Variants in PLA2G4E observed in about 807,000 individuals in gnomAD.
The protein encoded by PLA2G4E is cytosolic phospholipase A2 epsilon.
Under a neutral mutation model 109.1 loss-of-function variants are expected in PLA2G4E, and 84 were observed. The ratio of observed to expected loss-of-function variants is 0.77; its 90% CI spans 0.65 to 0.92. The LOEUF (loss-of-function observed/expected upper bound fraction) is 0.92, where lower values mean the gene tolerates loss of function less well. Among genes scored for constraint, PLA2G4E ranks in the 40% least tolerant of loss-of-function variants. The probability of loss-of-function intolerance (pLI) is 0.00; values close to 1 mark genes in which losing one functional copy is unlikely to be tolerated. For synonymous variants in PLA2G4E, 469 were observed against 436.1 expected, an observed-to-expected ratio of 1.08 and a Z score of -0.94; for missense variants, 1,057 against 1,076.6, an observed-to-expected ratio of 0.98 and a Z score of 0.25.
intron 1 of PLA2G4E, among the ~76,000 whole-genome samples, chr15:42,036,174 C>T (rs11638234): frequency 0.13 from 19,606 of 152,226 alleles, 1,729 homozygotes; most frequent in Admixed American, 0.24. Context: ...GCTGCCATCA[C>T]CGGCCGCAGC....
intron 8 of PLA2G4E, 35 bp downstream of exon 8, chr15:42,000,069 C>A: frequency 6.4e-7 from 1 of 1,574,306 alleles, no homozygotes; most frequent in Non-Finnish European, 8.6e-7. Flanking sequence ...CTGTCCCAGT[C>A]CCCCACACCT....
rs78455377 is a variant in PLA2G4E, at chr15:41,988,947, G to A, written c.1723+468C>T. Among the ~76,000 whole-genome samples the A allele has an allele frequency of 2.4e-3, 370 of 152,290 alleles. 1 individual carries two copies. Among genetic ancestry groups the A allele is most frequent in the African/African-American group, 7.3e-3 (303 of 41,556 alleles). On this transcript the variant is annotated intron_variant, in intron 15 of 19. Transcript: ENST00000399518. ...TCTGTTTCTGAAGAAGCCCTTTGACGGGCGCAGCTAAGACTCTGAAGGGAA... is the reference window on the plus strand; with the variant it reads ...TCTGTTTCTGAAGAAGCCCTTTGACAGGCGCAGCTAAGACTCTGAAGGGAA...
intron 12 of PLA2G4E, 133 bp from the exon 13 acceptor site, chr15:41,993,092 G>T: frequency 2.8e-6 from 2 of 714,606 alleles, no homozygotes; most frequent in South Asian, 1.9e-5. Flanking sequence ...GAGAGTAGGG[G>T]TGAGGCAGAG....
chr15:42,045,627 G>A (rs1192625985), intron 1 of PLA2G4E, among the ~76,000 whole-genome samples: 1 of 152,164 alleles, frequency 6.6e-6, no homozygotes, highest in Non-Finnish European at 1.5e-5. Flanking sequence ...TTTCTCATGG[G>A]TTGCTTCCAG....
intron 3 of PLA2G4E, 140 bp from the exon 4 acceptor site, chr15:42,006,261 A>G (rs2068475966): frequency 9.3e-7 from 1 of 1,073,492 alleles, no homozygotes; most frequent in African/African-American, 1.6e-5. Context: ...CTCAGATGTG[A>G]CAGACATTTG....
exon 12 of PLA2G4E, chr15:41,995,423 C>A (rs774989332): frequency 6.2e-7 from 1 of 1,613,848 alleles, no homozygotes; most frequent in Non-Finnish European, 8.5e-7. Flanking sequence ...CTTCTGCAGC[C>A]CCAGCAGGTG....
At chr15:42,032,119 C>T (rs543825220) in intron 1 of PLA2G4E, among the ~76,000 whole-genome samples, 12 of 152,278 alleles carry the variant, frequency 7.9e-5, no homozygotes, top group African/African-American at 2.9e-4. Context: ...CAGCCTTCTG[C>T]CACGAGTAAA....
chr15:42,029,827 T>G (rs1478179676), intron 1 of PLA2G4E, among the ~76,000 whole-genome samples: 2 of 152,206 alleles, frequency 1.3e-5, no homozygotes, highest in Non-Finnish European at 2.9e-5. Context: ...TGATTCACTA[T>G]AAGTGATCCA....
intron 1 of PLA2G4E, among the ~76,000 whole-genome samples, chr15:42,022,205 C>A (rs1335322502): frequency 6.6e-6 from 1 of 152,172 alleles, no homozygotes; most frequent in African/African-American, 2.4e-5. Context: ...CCCTCAGAGG[C>A]TCAGGGATCC....
intron 5 of PLA2G4E, 120 bp downstream of exon 5, chr15:42,004,818 A>T (rs1280896504): frequency 4.7e-6 from 5 of 1,069,980 alleles, no homozygotes; most frequent in Admixed American, 2.0e-5. Context: ...GGTTAGTGCC[A>T]GGAGTGAGAC....
At chr15:41,986,369 G>A (rs1407683093) in intron 17 of PLA2G4E, among the ~76,000 whole-genome samples, 1 of 152,270 alleles carries the variant, frequency 6.6e-6, no homozygotes, top group African/African-American at 2.4e-5. Context: ...TATTAAGAAG[G>A]CGAAAGTCAA....
intron 18 of PLA2G4E, among the ~76,000 whole-genome samples, chr15:41,985,590 C>T (rs2068127083): frequency 6.6e-6 from 1 of 152,234 alleles, no homozygotes; most frequent in African/African-American, 2.4e-5. Context: ...ATGGCAAATG[C>T]TCCAAGGCAA....
intron 1 of PLA2G4E, 125 bp from the exon 2 acceptor site, chr15:42,013,882 GTTTTTTTTTTTTTTT>G (rs10539531): frequency 1.3e-4 from 18 of 134,298 alleles, no homozygotes; most frequent in Middle Eastern, 2.4e-3. Flanking sequence ...CCCTAGGCTG[GTTTTTTTTTTTTTTT>G]TTTTTTTTTT....
exon 1 of PLA2G4E, chr15:42,050,608 T>C (rs947106840): frequency 1.4e-5 from 21 of 1,550,606 alleles, no homozygotes; most frequent in Non-Finnish European, 1.8e-5. Context: ...TGAAACTTCT[T>C]CCTGACCTGC....
intron 13 of PLA2G4E, among the ~76,000 whole-genome samples, chr15:41,990,744 C>CT (rs1228531708): frequency 0.076 from 3,260 of 42,784 alleles, 98 homozygotes; most frequent in Middle Eastern, 0.19. Context: ...CTCTTCCCTT[C>CT]TTTTTTTTTT....
In PLA2G4E at chr15:41,989,382, C is replaced by A. The variant is rs2068201862; in HGVS notation, c.1723+33G>T. 3 of 1,613,062 alleles carry A rather than the reference C, an allele frequency of 1.9e-6. No individual in the cohort carries two copies. The East Asian group carries it at 6.7e-5, about 36-fold the overall frequency. On this transcript the variant is annotated intron_variant, in intron 15 of 19. Transcript: ENST00000399518. ...GGGTGGCCCAGCACTGGGCAGCAGCCCCCTGTCATTCCGCCAGTTGCAAGG... is the reference window on the plus strand; with the variant it reads ...GGGTGGCCCAGCACTGGGCAGCAGCACCCTGTCATTCCGCCAGTTGCAAGG...
At chr15:41,989,818 G>C (rs1011768634) in intron 14 of PLA2G4E, among the ~76,000 whole-genome samples, 1 of 152,164 alleles carries the variant, frequency 6.6e-6, no homozygotes, top group African/African-American at 2.4e-5. Context: ...CCTGAAGCAG[G>C]GCAGCTCTCT....
intron 7 of PLA2G4E, 52 bp from the exon 8 acceptor site, chr15:42,000,334 T>C (rs1668557): frequency 0.96 from 1,437,040 of 1,489,746 alleles, 694,179 homozygotes; most frequent in South Asian, 0.98. Context: ...ACTACCCACC[T>C]GCAACTTGGT....
At chr15:42,048,674 A>G (rs1889458001) in intron 1 of PLA2G4E, among the ~76,000 whole-genome samples, 1 of 152,158 alleles carries the variant, frequency 6.6e-6, no homozygotes, top group African/African-American at 2.4e-5. Context: ...CCAACTTCAT[A>G]TGCCGCAGGC....
Sources: allele counts gnomAD v4.1 joint callset (sites outside exome capture counted in the v4.1 genomes callset), GRCh38; gene constraint gnomAD v4.1.1; transcripts MANE v1.5; gene names NCBI Gene and HGNC (gene_info 2026-07-23, HGNC 2026-07-21).